CCSER1: variants seen among roughly 807,000 people sequenced by gnomAD.
The protein encoded by CCSER1 is coiled-coil serine rich protein 1, also known as serine-rich coiled-coil domain-containing protein 1.
CCSER1 carries 41 observed loss-of-function variants against 82.0 expected under a neutral mutation model. The ratio of observed to expected loss-of-function variants is 0.50; its 90% confidence interval spans 0.39 to 0.65. The LOEUF (loss-of-function observed/expected upper bound fraction) is 0.65, where lower values mean the gene tolerates loss of function less well. Among genes scored for constraint, CCSER1 ranks in the 30% least tolerant of loss-of-function variants. The pLI, the probability that CCSER1 is intolerant of heterozygous loss-of-function variation, is 0.00. For synonymous variants in CCSER1, 414 were observed against 383.9 expected, an observed-to-expected ratio of 1.08 and a Z score of -0.92; for missense variants, 1,119 against 1,064.2, an observed-to-expected ratio of 1.05 and a Z score of -0.72.
intron 10 of CCSER1, among the ~76,000 whole-genome samples, chr4:91,545,701 TTTA>T (rs1761854808): frequency 1.3e-5 from 2 of 152,102 alleles, no homozygotes; most frequent in African/African-American, 4.8e-5. Context: ...TTTTTTTAGA[TTTA>T]CTCCGTAGAT....
chr4:90,933,597 C>T (rs1420252084), intron 9 of CCSER1, among the ~76,000 whole-genome samples: 2 of 151,482 alleles, frequency 1.3e-5, no homozygotes, highest in African/African-American at 4.9e-5. Flanking sequence ...AATTATATGT[C>T]ATAAAAGTAC....
chr4:91,153,630 T>A (rs917561961), intron 10 of CCSER1, among the ~76,000 whole-genome samples: 1 of 151,916 alleles, frequency 6.6e-6, no homozygotes, highest in African/African-American at 2.4e-5. Flanking sequence ...TTTCTCCCCA[T>A]CTTTGTGGTT....
intron 7 of CCSER1, among the ~76,000 whole-genome samples, chr4:90,790,773 C>T (rs1173409688): frequency 6.6e-6 from 1 of 152,158 alleles, no homozygotes; most frequent in Non-Finnish European, 1.5e-5. Flanking sequence ...CCACATCCTC[C>T]TGTCTTCTGA....
At chr4:90,557,487 G>T (rs897859842) in intron 5 of CCSER1, among the ~76,000 whole-genome samples, 1 of 151,934 alleles carries the variant, frequency 6.6e-6, no homozygotes, top group African/African-American at 2.4e-5. Flanking sequence ...AGACTGGTGG[G>T]TACACTTTTG....
intron 8 of CCSER1, among the ~76,000 whole-genome samples, chr4:90,909,514 A>G (rs1183411072): frequency 6.6e-6 from 1 of 152,188 alleles, no homozygotes; most frequent in Non-Finnish European, 1.5e-5. Flanking sequence ...GATGTAATTA[A>G]CTGATGTCTT....
intron 9 of CCSER1, among the ~76,000 whole-genome samples, chr4:90,930,197 G>A (rs2150280055): frequency 6.6e-6 from 1 of 152,250 alleles, no homozygotes; most frequent in South Asian, 2.1e-4. Context: ...CCAACTCATA[G>A]ATTGCTACCT....
chr4:90,429,173 A>T (rs1041744920), intron 4 of CCSER1, among the ~76,000 whole-genome samples: 1 of 151,876 alleles, frequency 6.6e-6, no homozygotes, highest in African/African-American at 2.4e-5. Flanking sequence ...CTATTAATGT[A>T]AAGAAAATAA....
intron 1 of CCSER1, among the ~76,000 whole-genome samples, chr4:90,178,896 AT>A (rs1167764569): frequency 6.6e-6 from 1 of 152,194 alleles, no homozygotes; most frequent in Non-Finnish European, 1.5e-5. Flanking sequence ...GGATGAATAA[AT>A]ATTAATCTTT....
intron 3 of CCSER1, among the ~76,000 whole-genome samples, chr4:90,346,921 T>C (rs551873538): frequency 6.6e-6 from 1 of 152,130 alleles, no homozygotes. Context: ...AGACAACATA[T>C]TTACTTTCAG....
In CCSER1 at chr4:91,395,286, C is replaced by T. The variant is rs114375492; in HGVS notation, c.2218-203286C>T. ...ATTCAATGGCAAACATGCTGGAGGTCTCACTTTGTAGTACACCATCACCCG... is the reference window on the plus strand; with the variant it reads ...ATTCAATGGCAAACATGCTGGAGGTTTCACTTTGTAGTACACCATCACCCG... On this transcript the variant is annotated intron_variant, in intron 10 of 10. Coordinates refer to ENST00000509176, the MANE Select transcript of CCSER1 (RefSeq NM_001145065.2). 4.6e-3 allele frequency among the ~76,000 whole-genome samples: 704 copies of T among 152,142 alleles called. 6 individuals carry two copies. The highest frequency in any genetic ancestry group is 0.016 in the African/African-American group (674 of 41,532).
intron 3 of CCSER1, among the ~76,000 whole-genome samples, chr4:90,335,603 G>T (rs533433989): frequency 5.9e-5 from 9 of 152,118 alleles, no homozygotes; most frequent in Admixed American, 4.6e-4. Context: ...GCAAATATTT[G>T]TTCCCTAAAT....
chr4:91,331,561 T>C (rs1746956766), intron 10 of CCSER1, among the ~76,000 whole-genome samples: 1 of 152,148 alleles, frequency 6.6e-6, no homozygotes, highest in Non-Finnish European at 1.5e-5. Context: ...AGTTAATTCC[T>C]ATTTATTTTT....
At chr4:90,724,064 G>A (rs1580158777) in intron 7 of CCSER1, 73 bp downstream of exon 7, 5 of 909,500 alleles carry the variant, frequency 5.5e-6, no homozygotes, top group East Asian at 2.7e-5. Context: ...AATAGTTTAT[G>A]TGTAGATGGT....
chr4:90,206,671 T>C (rs1441738068), intron 1 of CCSER1, among the ~76,000 whole-genome samples: 1 of 151,786 alleles, frequency 6.6e-6, no homozygotes, highest in Non-Finnish European at 1.5e-5. Context: ...GTATATTCTG[T>C]TGATTTGAGG....
At chr4:90,131,107 C>T (rs13150054) in intron 1 of CCSER1, among the ~76,000 whole-genome samples, 5,581 of 152,238 alleles carry the variant, frequency 0.037, 165 homozygotes, top group Non-Finnish European at 0.055. Flanking sequence ...AAGTGATTCT[C>T]CTCCCTCAGC....
intron 9 of CCSER1, among the ~76,000 whole-genome samples, chr4:90,959,080 G>A (rs1462761242): frequency 1.3e-5 from 2 of 152,156 alleles, no homozygotes; most frequent in African/African-American, 2.4e-5. Flanking sequence ...AACAGAGAAT[G>A]TTAGAATAAG....
chr4:90,511,994 T>A lies in CCSER1; in HGVS notation c.1724+43640T>A, dbSNP rs151336591. ...CAAGGTCATCAGCTGAGAGTGAGGA[T>A]GAGATAAGAGGTACTGGAGGTTTGA... On this transcript the variant is annotated intron_variant, in intron 5 of 10. Transcript: ENST00000509176. 5.3e-5 allele frequency among the ~76,000 whole-genome samples: 8 copies of A among 151,802 alleles called. No individual in the cohort carries two copies. In the East Asian group the frequency reaches 1.6e-3, roughly 30 times the overall value.
chr4:90,928,045 C>A (rs1013697745), intron 9 of CCSER1, among the ~76,000 whole-genome samples: 3 of 152,104 alleles, frequency 2.0e-5, no homozygotes, highest in Admixed American at 6.6e-5. Context: ...TTCAGTACTT[C>A]TCCTGATCAT....
intron 9 of CCSER1, among the ~76,000 whole-genome samples, chr4:91,056,998 G>C (rs1743509116): frequency 6.6e-6 from 1 of 152,196 alleles, no homozygotes; most frequent in Non-Finnish European, 1.5e-5. Context: ...CTTTCAGCCA[G>C]AGGAGGAAAG....
Sources: gnomAD v4.1 joint callset for allele counts (sites outside exome capture counted in the v4.1 genomes callset) on GRCh38, gnomAD v4.1.1 for gene constraint, MANE v1.5 for transcripts, NCBI Gene and HGNC (gene_info 2026-07-23, HGNC 2026-07-21) for gene names.